ZNF563: variants seen among roughly 807,000 people sequenced by gnomAD.
ZNF563 encodes zinc finger protein 563.
Under a neutral mutation model 48.5 loss-of-function variants are expected in ZNF563, and 39 were observed. The ratio of observed to expected loss-of-function variants is 0.80; its 90% CI spans 0.62 to 1.05. The LOEUF (loss-of-function observed/expected upper bound fraction) is 1.05, where lower values mean the gene tolerates loss of function less well. Among genes scored for constraint, ZNF563 ranks in the 50% least tolerant of loss-of-function variants. The pLI is 0.00. For synonymous variants in ZNF563, 168 were observed against 187.9 expected, an observed-to-expected ratio of 0.89 and a Z score of 0.87; for missense variants, 538 against 597.0, an observed-to-expected ratio of 0.90 and a Z score of 1.03.
the ZNF563 span, among the ~76,000 whole-genome samples, chr19:12,345,702 A>G: frequency 1.3e-5 from 2 of 152,178 alleles, no homozygotes; most frequent in Non-Finnish European, 2.9e-5. Flanking sequence ...ACTTGAGGTC[A>G]GGAATTGGAG....
In ZNF563 at chr19:12,322,660, C is replaced by T. The variant is rs770999302; in HGVS notation, c.55G>A (p.Ala19Thr). The T allele has an allele frequency of 3.1e-6, 5 of 1,609,912 alleles. No homozygotes were observed. The highest frequency in any genetic ancestry group is 4.2e-6 in the Non-Finnish European group (5 of 1,177,590). The change falls in exon 2 of 4, where the codon GCT becomes ACT. Residue 19 changes from alanine to threonine, a missense_variant. By Grantham distance (58) the Ala-to-Thr change is moderately conservative (BLOSUM62 0). Transcript: ENST00000293725. ...VAVNFTQEEWALLGPSQKNLY... is the reference protein window; with the variant it reads ...VAVNFTQEEWTLLGPSQKNLY... ...TTCTTCTGTGATGGACCCAGCAAAG[C>T]CCATTCCTCCTGGGTGAAGTTCACA...
intron 3 of ZNF563, among the ~76,000 whole-genome samples, chr19:12,320,679 T>C (rs1968595192): frequency 6.6e-6 from 1 of 151,936 alleles, no homozygotes; most frequent in African/African-American, 2.4e-5. Flanking sequence ...TTTGTACTTT[T>C]GTAGAGACAG....
intron 3 of ZNF563, 65 bp downstream of exon 3, chr19:12,321,207 T>A: frequency 8.4e-7 from 1 of 1,196,016 alleles, no homozygotes; most frequent in Non-Finnish European, 1.2e-6. Context: ...TCTTTGTTTT[T>A]AAAATTTCCT....
chr19:12,337,764 C>G (rs1356055927), upstream of ZNF563, among the ~76,000 whole-genome samples: 1 of 151,944 alleles, frequency 6.6e-6, no homozygotes, highest in Non-Finnish European at 1.5e-5. Context: ...ATGAAGAACC[C>G]TGAGAAGGTG....
At position 12,319,140 on chromosome 19, in the gene ZNF563, G is replaced by A; in HGVS notation, c.885C>T (p.Ser295=). 3.7e-6 allele frequency: 6 copies of A among 1,613,972 alleles called. No individual in the cohort carries two copies. The highest frequency in any genetic ancestry group is 5.1e-6 in the Non-Finnish European group (6 of 1,180,018). Residue 295 remains serine, a synonymous_variant, in exon 4 of 4, where the codon TCC becomes TCT. Transcript: ENST00000293725. ...TGTGAGTGGTTTCATGTCTTCGAAG[G>A]GAACTGGAAACACTGAAGGCTTTCC... ...QCGKAFSVSS[S]LRRHETTHSA...
At chr19:12,339,349 A>C in the ZNF563 span, among the ~76,000 whole-genome samples, 1 of 135,654 alleles carries the variant, frequency 7.4e-6, no homozygotes, top group Non-Finnish European at 1.5e-5. Context: ...GCGTGATCTC[A>C]GTTCACTGCA....
chr19:12,322,589 ACAGT>A lies in ZNF563; in HGVS notation c.122_125del (p.Asp41ValfsTer2). On this transcript the variant is annotated frameshift_variant, in exon 2 of 4. Coordinates refer to ENST00000293725, the MANE Select transcript of ZNF563 (RefSeq NM_145276.3). LOFTEE classifies it high-confidence loss of function. Reference sequence around the variant, plus strand: ...AAGACATGGTATCATCCTTACTTATACAGTCCAGGTTCCTGATGGTTTCTTGCAT... The same window carrying A: ...AAGACATGGTATCATCCTTACTTATACCAGGTTCCTGATGGTTTCTTGCAT... 1 of 1,598,496 alleles carries A rather than the reference ACAGT, an allele frequency of 6.3e-7. No homozygotes were observed. The highest frequency in any genetic ancestry group is 8.5e-7 in the Non-Finnish European group (1 of 1,171,698).
the ZNF563 span, chr19:12,346,683 T>G: frequency 6.6e-6 from 1 of 152,192 alleles, no homozygotes; most frequent in African/African-American, 2.4e-5. Context: ...AAATTATTAC[T>G]GTGGAAACAA....
chr19:12,324,089 G>A (rs1968706204), intron 1 of ZNF563, among the ~76,000 whole-genome samples: 1 of 152,112 alleles, frequency 6.6e-6, no homozygotes, highest in African/African-American at 2.4e-5. Flanking sequence ...TAGGTACCAT[G>A]GCTCATGCCT....
At chr19:12,330,262 C>T (rs747132265) in intron 1 of ZNF563, among the ~76,000 whole-genome samples, 4 of 152,062 alleles carry the variant, frequency 2.6e-5, no homozygotes, top group Non-Finnish European at 5.9e-5. Flanking sequence ...GCCAACATTG[C>T]CCTAGTACCA....
Position 12,318,017 on chromosome 19 carries a change from T to C in ZNF563, c.*577A>G. 1 of 158,868 alleles carries C rather than the reference T, an allele frequency of 6.3e-6. No homozygotes were observed. The highest frequency in any genetic ancestry group is 1.9e-4 in the East Asian group (1 of 5,244). 9.8% of individuals were successfully genotyped at this position (158,868 alleles called of 1,614,324 possible). On this transcript the variant is annotated 3_prime_UTR_variant, in exon 4 of 4. Transcript: ENST00000293725. ...GTGAATCCTTTCATGTACTTTTTTT[T>C]TTTTTTTGAGACAGGGTCTGGCTCT... is the stretch of plus-strand genomic sequence containing the variant.
Position 12,333,525 on chromosome 19 carries a change from C to T in ZNF563, c.-43G>A, listed in dbSNP as rs757526890. On this transcript the variant is annotated 5_prime_UTR_variant, in exon 1 of 4. Coordinates refer to ENST00000293725, the MANE Select transcript of ZNF563 (RefSeq NM_145276.3). ...GTTCCAGGGTCCTCCCTCTGCCTCC[C>T]GCTGCCAGTGCGGGTCCCACTGTGA... 3 of 1,612,416 alleles carry T rather than the reference C, an allele frequency of 1.9e-6. No homozygotes were observed. The highest frequency in any genetic ancestry group is 2.5e-6 in the Non-Finnish European group (3 of 1,179,128).
chr19:12,327,289 G>A (rs1599574077), intron 1 of ZNF563, among the ~76,000 whole-genome samples: 2 of 151,728 alleles, frequency 1.3e-5, no homozygotes, highest in South Asian at 2.1e-4. Context: ...GTGAAACCTC[G>A]TCTTTACTAA....
the ZNF563 span, chr19:12,346,156 C>T: frequency 6.6e-6 from 1 of 152,128 alleles, no homozygotes; most frequent in Non-Finnish European, 1.5e-5. Flanking sequence ...ATTCCTACAA[C>T]TCTCTTCCAA....
rs760310511 is a variant in ZNF563, at chr19:12,319,074, T to C, written c.951A>G (p.Thr317=). Residue 317 remains threonine, a synonymous_variant, in exon 4 of 4, where the codon ACA becomes ACG. Coordinates refer to ENST00000293725, the MANE Select transcript of ZNF563 (RefSeq NM_145276.3). ...KPYECKQCGK[T]FHHLGSFQIH... is the part of the protein sequence containing the mutation. ...TCTGAAAGCTTCCAAGATGATGAAA[T>C]GTTTTCCCGCATTGCTTACACTCAT... The C allele has an allele frequency of 4.4e-5, 71 of 1,614,136 alleles. 3 individuals carry two copies. The South Asian group carries it at 7.2e-4, about 16-fold the overall frequency.
intron 1 of ZNF563, among the ~76,000 whole-genome samples, chr19:12,331,433 CT>C (rs1049132519): frequency 1.3e-5 from 2 of 152,112 alleles, no homozygotes; most frequent in African/African-American, 4.8e-5. Flanking sequence ...GGTAAGTTAT[CT>C]TTGACCTTTC....
chr19:12,324,365 AT>A (rs35850719), intron 1 of ZNF563, among the ~76,000 whole-genome samples: 31,374 of 151,870 alleles, frequency 0.21, 3,536 homozygotes, highest in African/African-American at 0.3. Flanking sequence ...TCTCAAAAAA[AT>A]AAATAAAATT....
intron 3 of ZNF563, among the ~76,000 whole-genome samples, chr19:12,320,440 C>T (rs1479109022): frequency 6.6e-6 from 1 of 151,894 alleles, no homozygotes; most frequent in Non-Finnish European, 1.5e-5. Flanking sequence ...CTCCTGAACT[C>T]AAGTGATCTA....
chr19:12,336,363 C>G (rs1278838358), upstream of ZNF563, among the ~76,000 whole-genome samples: 2 of 151,950 alleles, frequency 1.3e-5, no homozygotes, highest in African/African-American at 4.8e-5. Context: ...GAGGCTGAGG[C>G]GGGCAGATCA....
Sources: gnomAD v4.1 joint callset for allele counts (sites outside exome capture counted in the v4.1 genomes callset) on GRCh38, gnomAD v4.1.1 for gene constraint, MANE v1.5 for transcripts, NCBI Gene and HGNC (gene_info 2026-07-23, HGNC 2026-07-21) for gene names.